Variants in ADAM17 observed in about 807,000 individuals in gnomAD.
ADAM17 encodes the protein ADAM metallopeptidase domain 17, also known as disintegrin and metalloproteinase domain-containing protein 17.
In ADAM17, 39 loss-of-function variants were observed where a neutral mutation model predicts 96.7. That is an observed-to-expected ratio of 0.40 (90% CI 0.31 to 0.53). ADAM17 has a LOEUF of 0.53. Among genes scored for constraint, ADAM17 ranks in the 20% least tolerant of loss-of-function variants. The probability of loss-of-function intolerance (pLI) is 0.44; values close to 1 mark genes in which losing one functional copy is unlikely to be tolerated. For synonymous variants in ADAM17, 344 were observed against 359.2 expected (o/e 0.96, Z 0.48); for missense variants, 777 against 1,013.2 (o/e 0.77, Z 3.17).
chr2:9,512,287 A>T (rs1217390845), intron 10 of ADAM17: 1 of 152,136 alleles, frequency 6.6e-6, no homozygotes, highest in African/African-American at 2.4e-5. Context: ...TTTCAAATCA[A>T]ATTTTGTTTT....
intron 13 of ADAM17, among the ~76,000 whole-genome samples, chr2:9,500,192 T>C (rs908745156): frequency 1.3e-5 from 2 of 152,200 alleles, no homozygotes; most frequent in African/African-American, 2.4e-5. Context: ...GGCATATCCA[T>C]GCAATGGAAT....
intron 4 of ADAM17, among the ~76,000 whole-genome samples, chr2:9,532,399 T>C (rs373484865): frequency 1.1e-4 from 16 of 152,300 alleles, no homozygotes; most frequent in African/African-American, 3.6e-4. Flanking sequence ...AAATCATTTT[T>C]TCAATAAACA....
chr2:9,553,987 C>T (rs1188626995), intron 1 of ADAM17, among the ~76,000 whole-genome samples: 3 of 151,994 alleles, frequency 2.0e-5, no homozygotes, highest in Admixed American at 6.6e-5. Context: ...GCTTGAACCC[C>T]GGGAGGCGGA....
At chr2:9,523,876 TTC>T (rs1409763278) in intron 6 of ADAM17, among the ~76,000 whole-genome samples, 4 of 151,808 alleles carry the variant, frequency 2.6e-5, no homozygotes, top group African/African-American at 9.7e-5. Flanking sequence ...CCTTATGATT[TTC>T]TTTTTTTTTT....
intron 2 of ADAM17, among the ~76,000 whole-genome samples, chr2:9,541,507 G>A (rs1252480117): frequency 6.6e-6 from 1 of 152,104 alleles, no homozygotes; most frequent in Non-Finnish European, 1.5e-5. Flanking sequence ...AGGCTTCAGT[G>A]AGCTAAGATC....
intron 11 of ADAM17, among the ~76,000 whole-genome samples, chr2:9,508,700 T>C (rs1266604856): frequency 6.6e-6 from 1 of 152,166 alleles, no homozygotes; most frequent in Non-Finnish European, 1.5e-5. Flanking sequence ...GGCTAGTGGC[T>C]ACTATACTGG....
At chr2:9,501,334 C>A (rs750934980) in intron 13 of ADAM17, among the ~76,000 whole-genome samples, 1 of 152,110 alleles carries the variant, frequency 6.6e-6, no homozygotes. Context: ...TTGGCCAGAA[C>A]GTCAGGATAA....
intron 14 of ADAM17, among the ~76,000 whole-genome samples, chr2:9,495,995 C>T (rs994924684): frequency 1.3e-5 from 2 of 151,556 alleles, no homozygotes; most frequent in African/African-American, 4.9e-5. Context: ...ACACTGCCCT[C>T]AACCTATCTT....
At chr2:9,497,376 G>A (rs1235543151) in intron 13 of ADAM17, 128 bp from the exon 14 acceptor site, 1 of 1,193,174 alleles carries the variant, frequency 8.4e-7, no homozygotes, top group African/African-American at 1.5e-5. Context: ...GACCTACAGA[G>A]CTAGGACAAG....
chr2:9,491,107 G>T lies in ADAM17; in HGVS notation c.2127C>A (p.His709Gln). ...DKQYESLSLF[H>Q]PSNVEMLSSM... ...TTTCATATGGTATACTTACACTGGGGTGAAACAGAGACAGAGATTCATACT... is the reference window on the plus strand; with the variant it reads ...TTTCATATGGTATACTTACACTGGGTTGAAACAGAGACAGAGATTCATACT... The change falls in exon 18 of 19, where the codon CAC becomes CAA. Residue 709 changes from histidine to glutamine, a missense_variant. Transcript: ENST00000310823. 6.2e-7 allele frequency: 1 copy of T among 1,613,044 alleles called. No homozygotes were observed. The highest frequency in any genetic ancestry group is 8.5e-7 in the Non-Finnish European group (1 of 1,179,132).
chr2:9,529,801 A>G (rs1360989028), intron 4 of ADAM17, among the ~76,000 whole-genome samples: 2 of 151,802 alleles, frequency 1.3e-5, no homozygotes, highest in African/African-American at 4.8e-5. Context: ...GTGAAACCCC[A>G]TCTCTACTGA....
intron 1 of ADAM17, among the ~76,000 whole-genome samples, chr2:9,550,581 G>A (rs1665558367): frequency 6.6e-6 from 1 of 151,472 alleles, no homozygotes; most frequent in Non-Finnish European, 1.5e-5. Context: ...CAGTAGCTGG[G>A]ATTACAGGCA....
intron 18 of ADAM17, 113 bp from the exon 19 acceptor site, chr2:9,490,631 A>T: frequency 4.3e-6 from 5 of 1,163,312 alleles, no homozygotes; most frequent in Non-Finnish European, 5.9e-6. Context: ...CTGTGATGCT[A>T]AGAAAAAAGT....
rs1256456542 is a variant in ADAM17, at chr2:9,527,757, T to C, written c.619+29A>G. The stretch of plus-strand genomic sequence containing the variant: ...AAGTCAATTGTAGTATGTTTGTTTC[T>C]TATTTGAAATACACTCTTTAAGTCT... On this transcript the variant is annotated intron_variant, in intron 5 of 18. Coordinates refer to ENST00000310823, the MANE Select transcript of ADAM17 (RefSeq NM_003183.6). 2 of 1,443,496 alleles carry C rather than the reference T, an allele frequency of 1.4e-6. 1 individual carries two copies. The highest frequency in any genetic ancestry group is 5.1e-5 in the Admixed American group (2 of 39,042). The allele number at this position is 1,443,496 out of a possible 1,614,324, so 89.4% of individuals were successfully genotyped here. A position where few individuals can be genotyped will look rare whatever the true frequency, so the allele number is the denominator to read the frequency against.
rs1370983004 is a variant in ADAM17, at chr2:9,489,848, GT to G, written c.*328del. ...ACTGATCATTTCCCTAGTCAGTGCT[GT>G]TATCAATATAAAAGATTAATTTACA... On this transcript the variant is annotated 3_prime_UTR_variant, in exon 19 of 19. Coordinates refer to ENST00000310823, the MANE Select transcript of ADAM17 (RefSeq NM_003183.6). 8 of 198,690 alleles carry G rather than the reference GT, an allele frequency of 4.0e-5. No homozygotes were observed. The highest frequency in any genetic ancestry group is 6.3e-5 in the Non-Finnish European group (6 of 95,572). 12.3% of individuals were successfully genotyped at this position (198,690 alleles called of 1,614,324 possible).
chr2:9,546,636 G>A (rs544556965), intron 1 of ADAM17, among the ~76,000 whole-genome samples: 3 of 151,662 alleles, frequency 2.0e-5, no homozygotes, highest in Admixed American at 6.6e-5. Flanking sequence ...TAAACCACCT[G>A]CTTCTGACAG....
intron 17 of ADAM17, among the ~76,000 whole-genome samples, chr2:9,492,323 C>T (rs1455773526): frequency 6.6e-6 from 1 of 152,160 alleles, no homozygotes; most frequent in Non-Finnish European, 1.5e-5. Context: ...TATAAAGGAC[C>T]AGGAGTTCCT....
At chr2:9,510,500 C>A (rs1414725951) in intron 10 of ADAM17, among the ~76,000 whole-genome samples, 1 of 152,088 alleles carries the variant, frequency 6.6e-6, no homozygotes, top group African/African-American at 2.4e-5. Context: ...CCTGTCTCTA[C>A]TAAAAATACA....
At chr2:9,514,273 C>T (rs543606154) in intron 10 of ADAM17, among the ~76,000 whole-genome samples, 8 of 141,782 alleles carry the variant, frequency 5.6e-5, no homozygotes, top group Admixed American at 5.4e-4. Flanking sequence ...AGCCAAACAC[C>T]GCATGTTCTC....
Sources: gnomAD v4.1 joint callset for allele counts (sites outside exome capture counted in the v4.1 genomes callset) on GRCh38, gnomAD v4.1.1 for gene constraint, MANE v1.5 for transcripts, NCBI Gene and HGNC (gene_info 2026-07-23, HGNC 2026-07-21) for gene names.